The following ERBB4 variants were observed in gnomAD, a reference collection of about 807,000 sequenced individuals.
The protein encoded by ERBB4 is erb-b2 receptor tyrosine kinase 4.
ERBB4 carries 42 observed loss-of-function variants against 158.0 expected under a neutral mutation model. That is an observed-to-expected ratio of 0.27 (90% CI 0.21 to 0.34). ERBB4 has a LOEUF of 0.34. ERBB4 is among the 10% of genes least tolerant of loss of function. The pLI is 1.00. For missense variants in ERBB4, 1,333 were observed against 1,624.1 expected, an observed-to-expected ratio of 0.82 and a Z score of 3.08; for synonymous variants, 583 against 558.7, an observed-to-expected ratio of 1.04 and a Z score of -0.61.
intron 1 of ERBB4, among the ~76,000 whole-genome samples, chr2:212,219,976 T>G (rs2083241579): frequency 7.0e-6 from 1 of 142,312 alleles, no homozygotes; most frequent in Non-Finnish European, 1.5e-5. Flanking sequence ...AAAAGTGGGA[T>G]TTTTCATCAG....
At position 212,293,791 on chromosome 2, in the gene ERBB4, T is replaced by G. The variant is rs180810959; in HGVS notation, c.83-168888A>C. 8.9e-3 allele frequency among the ~76,000 whole-genome samples: 1,163 copies of G among 131,142 alleles called. 10 individuals carry two copies. Among genetic ancestry groups the G allele is most frequent in the African/African-American group, 0.031 (1,062 of 34,024 alleles). The allele number at this position is 131,142 out of a possible 152,430, so 86.0% of individuals were successfully genotyped here. On this transcript the variant is annotated intron_variant, in intron 1 of 27. Coordinates refer to ENST00000342788, the MANE Select transcript of ERBB4 (RefSeq NM_005235.3). ...TGAACCTAGGAGATGGAGGTTGCAG[T>G]GAGTCAAAATAGTGCCACTGCACTC...
At chr2:212,283,045 A>T (rs1291298335) in intron 1 of ERBB4, among the ~76,000 whole-genome samples, 1 of 151,924 alleles carries the variant, frequency 6.6e-6, no homozygotes, top group African/African-American at 2.4e-5. Flanking sequence ...TGGCAGGGAC[A>T]AAACAATTCT....
chr2:211,838,252 G>A (rs1236046084), intron 3 of ERBB4, among the ~76,000 whole-genome samples: 1 of 151,898 alleles, frequency 6.6e-6, no homozygotes, highest in Non-Finnish European at 1.5e-5. Context: ...CAGCGGGGTG[G>A]GGGATGGTGG....
At chr2:211,685,360 G>C (rs2072521075) in intron 12 of ERBB4, among the ~76,000 whole-genome samples, 1 of 151,816 alleles carries the variant, frequency 6.6e-6, no homozygotes, top group Admixed American at 6.6e-5. Flanking sequence ...ATGTTCATTT[G>C]CTCTGGCACT....
chr2:212,293,944 C>T (rs2086315655), intron 1 of ERBB4, among the ~76,000 whole-genome samples: 1 of 150,300 alleles, frequency 6.7e-6, no homozygotes, highest in Admixed American at 6.7e-5. Context: ...TATGAACTCT[C>T]TCCAGAGAGA....
chr2:211,890,535 G>C (rs2078935249), intron 3 of ERBB4, among the ~76,000 whole-genome samples: 2 of 150,986 alleles, frequency 1.3e-5, no homozygotes, highest in Admixed American at 1.3e-4. Flanking sequence ...ATAATGACTG[G>C]ATCAAATTCA....
intron 1 of ERBB4, among the ~76,000 whole-genome samples, chr2:212,284,740 A>T (rs1247689343): frequency 6.6e-6 from 1 of 152,082 alleles, no homozygotes; most frequent in Non-Finnish European, 1.5e-5. Context: ...TTAAATATGT[A>T]TTTCTTCCTC....
At chr2:212,358,808 T>C (rs555302470) in intron 1 of ERBB4, among the ~76,000 whole-genome samples, 63 of 151,730 alleles carry the variant, frequency 4.2e-4, no homozygotes, top group Non-Finnish European at 5.9e-4. Flanking sequence ...TAGCAATAAC[T>C]CACCAGCCTT....
At chr2:212,468,610 C>A (rs1447980657) in intron 1 of ERBB4, among the ~76,000 whole-genome samples, 1 of 152,218 alleles carries the variant, frequency 6.6e-6, no homozygotes, top group African/African-American at 2.4e-5. Context: ...ATTGTCCCGT[C>A]TCAGGTATAT....
intron 3 of ERBB4, among the ~76,000 whole-genome samples, chr2:211,941,075 C>A (rs2080480935): frequency 6.6e-6 from 1 of 152,070 alleles, no homozygotes; most frequent in South Asian, 2.1e-4. Context: ...AAACAATACT[C>A]TTTAAAACAC....
chr2:212,085,803 A>G (rs1485862110), intron 2 of ERBB4, among the ~76,000 whole-genome samples: 1 of 151,656 alleles, frequency 6.6e-6, no homozygotes, highest in Non-Finnish European at 1.5e-5. Context: ...GCTTACACAT[A>G]TAGTAGTTAA....
intron 1 of ERBB4, among the ~76,000 whole-genome samples, chr2:212,134,976 G>A (rs536486291): frequency 5.9e-5 from 9 of 152,130 alleles, no homozygotes; most frequent in South Asian, 2.1e-4. Context: ...GTGAGCCACC[G>A]CGCCTGGCCT....
intron 5 of ERBB4, among the ~76,000 whole-genome samples, chr2:211,748,649 C>A (rs1237974139): frequency 6.6e-6 from 1 of 152,160 alleles, no homozygotes; most frequent in Non-Finnish European, 1.5e-5. Flanking sequence ...AGTGGCTCAG[C>A]CACAACAAGG....
At chr2:212,250,568 T>A (rs1189252535) in intron 1 of ERBB4, among the ~76,000 whole-genome samples, 2 of 151,936 alleles carry the variant, frequency 1.3e-5, no homozygotes, top group Admixed American at 1.3e-4. Context: ...GGACACAGGA[T>A]TAATAACAGG....
At chr2:212,307,399 A>C (rs546860232) in intron 1 of ERBB4, among the ~76,000 whole-genome samples, 9 of 151,338 alleles carry the variant, frequency 5.9e-5, no homozygotes, top group Non-Finnish European at 1.2e-4. Flanking sequence ...ATTTTAACTA[A>C]TGCTTTAAAA....
chr2:211,785,786 A>G (rs1051591033), intron 4 of ERBB4, among the ~76,000 whole-genome samples: 14 of 152,190 alleles, frequency 9.2e-5, no homozygotes, highest in Non-Finnish European at 1.8e-4. Flanking sequence ...TTACTATATT[A>G]GGTATCTGTT....
At chr2:212,288,940 A>G (rs1173926680) in intron 1 of ERBB4, among the ~76,000 whole-genome samples, 2 of 152,180 alleles carry the variant, frequency 1.3e-5, no homozygotes, top group Non-Finnish European at 2.9e-5. Flanking sequence ...GGGAGGAAAG[A>G]GAAAGGCTTG....
intron 25 of ERBB4, among the ~76,000 whole-genome samples, chr2:211,402,771 G>A (rs2125357844): frequency 6.6e-6 from 1 of 152,082 alleles, no homozygotes; most frequent in East Asian, 1.9e-4. Context: ...AAAAGAGGAG[G>A]TACAATAAAT....
At chr2:212,423,446 G>A (rs2091842766) in intron 1 of ERBB4, among the ~76,000 whole-genome samples, 1 of 152,114 alleles carries the variant, frequency 6.6e-6, no homozygotes, top group African/African-American at 2.4e-5. Context: ...GTAACCATTG[G>A]CAAAATAACA....
Sources: allele counts gnomAD v4.1 joint callset (sites outside exome capture counted in the v4.1 genomes callset), GRCh38; gene constraint gnomAD v4.1.1; transcripts MANE v1.5; gene names NCBI Gene and HGNC (gene_info 2026-07-23, HGNC 2026-07-21).